Variants in DNAH17 observed in about 807,000 individuals in gnomAD.
The protein encoded by DNAH17 is dynein axonemal heavy chain 17.
Under a neutral mutation model 485.6 loss-of-function variants are expected in DNAH17, and 376 were observed. That is an observed-to-expected ratio of 0.77 (90% confidence interval 0.71 to 0.84). The LOEUF (loss-of-function observed/expected upper bound fraction) is 0.84. DNAH17 is among the 40% of genes least tolerant of loss of function. The pLI is 0.00. For missense variants in DNAH17, 6,370 were observed against 5,839.3 expected (o/e 1.09, Z -2.96); for synonymous variants, 3,031 against 2,405.9 (o/e 1.26, Z -7.60).
intron 68 of DNAH17, 40 bp downstream of exon 68, chr17:78,450,214 C>T: frequency 1.2e-6 from 2 of 1,610,616 alleles, no homozygotes; most frequent in Non-Finnish European, 1.7e-6. Flanking sequence ...GATGCAGCCC[C>T]ACCTTGAGGG....
At position 78,494,948 on chromosome 17, in the gene DNAH17, G is replaced by GAC. The variant is rs142108503; in HGVS notation, c.6042+9_6042+10dup. The GAC allele has an allele frequency of 2.9e-4, 472 of 1,607,872 alleles. 1 individual carries two copies. The African/African-American group carries it at 6.0e-3, about 20-fold the overall frequency. On this transcript the variant is annotated intron_variant, in intron 39 of 80. Coordinates refer to ENST00000389840, the MANE Select transcript of DNAH17 (RefSeq NM_173628.4). The stretch of plus-strand genomic sequence containing the variant: ...CACCCACACCCGCCGTGAGCTCCAG[G>GAC]ACACACACACCTGCTTCGAGAGCAG...
Position 78,425,583 on chromosome 17 carries a change from C to T in DNAH17, c.12916-12G>A, listed in dbSNP as rs908387487. The stretch of plus-strand genomic sequence containing the variant: ...CAGGCCTCGAGTTCCTGCAAGGACA[C>T]ACGAGCCGCTAGGAGGAGAGGACAT... On this transcript the variant is annotated splice_polypyrimidine_tract_variant and intron_variant, in intron 79 of 80. Coordinates refer to ENST00000389840, the MANE Select transcript of DNAH17 (RefSeq NM_173628.4). 6.3e-7 allele frequency: 1 copy of T among 1,585,406 alleles called. No individual in the cohort carries two copies. Among genetic ancestry groups the T allele is most frequent in the African/African-American group, 1.3e-5 (1 of 74,214 alleles).
In DNAH17 at chr17:78,571,026, C is replaced by T; in HGVS notation, c.840G>A (p.Lys280=). 1 of 1,571,496 alleles carries T rather than the reference C, an allele frequency of 6.4e-7. No individual in the cohort carries two copies. Among genetic ancestry groups the T allele is most frequent in the Non-Finnish European group, 8.6e-7 (1 of 1,157,980 alleles). The change falls in exon 6 of 81, where the codon AAG becomes AAA. Residue 280 remains lysine (K), a synonymous_variant. Coordinates refer to ENST00000389840, the MANE Select transcript of DNAH17 (RefSeq NM_173628.4). ...AATAGAGCACGATGTCGTTGGCTTCCTTCAGCCCTGCACGGAACAAGAACA... is the reference window on the plus strand; with the variant it reads ...AATAGAGCACGATGTCGTTGGCTTCTTTCAGCCCTGCACGGAACAAGAACA... The part of the protein sequence containing the change: ...NVYTNVTEGL[K]EANDIVLYLK...
intron 11 of DNAH17, among the ~76,000 whole-genome samples, chr17:78,563,818 G>A (rs1568262023): frequency 6.6e-6 from 1 of 152,270 alleles, no homozygotes; most frequent in East Asian, 1.9e-4. Flanking sequence ...TAGAGCACAG[G>A]GCTGTCAAAC....
intron 19 of DNAH17, among the ~76,000 whole-genome samples, chr17:78,537,015 A>G (rs538483351): frequency 6.6e-6 from 1 of 151,960 alleles, no homozygotes; most frequent in South Asian, 2.1e-4. Flanking sequence ...CTCTACTAAA[A>G]AAAAATAAAA....
chr17:78,565,628 C>T (rs2092251367), intron 11 of DNAH17, among the ~76,000 whole-genome samples: 1 of 152,144 alleles, frequency 6.6e-6, no homozygotes. Flanking sequence ...ACTCATGGGC[C>T]TGGGAAACAT....
chr17:78,504,134 C>T (rs901923388), intron 31 of DNAH17, among the ~76,000 whole-genome samples: 13 of 151,366 alleles, frequency 8.6e-5, no homozygotes, highest in East Asian at 7.8e-4. Context: ...GGCGTGATCT[C>T]GGCTCACTGC....
Position 78,479,526 on chromosome 17 carries a change from G to A in DNAH17, c.7859C>T (p.Ala2620Val). The A allele has an allele frequency of 1.2e-6, 2 of 1,613,514 alleles. No homozygotes were observed. The highest frequency in any genetic ancestry group is 1.7e-6 in the Non-Finnish European group (2 of 1,179,868). ...QHLAFRSVSM[A>V]IQRISSQLVA... ...CAGCTGGCTGCTTATCCTCTGGATA[G>A]CCATGGAGACCGAGCGGAAGGCCAG... The change falls in exon 50 of 81, where the codon GCT becomes GTT. Residue 2620 changes from alanine to valine, a missense_variant. Coordinates refer to ENST00000389840, the MANE Select transcript of DNAH17 (RefSeq NM_173628.4).
rs755081742 is a variant in DNAH17, at chr17:78,574,945, G to A, written c.113C>T (p.Ala38Val). ...SKLIGAEENV[A>V]LFTEFFEKPD... ...CTTTTCAAAGAACTCTGTGAACAGG[G>A]CCACGTTCTCCTCGGCGCCTATCAG... Residue 38 changes from alanine to valine, a missense_variant, in exon 2 of 81, where the codon GCC (alanine) becomes GTC (valine). Coordinates refer to ENST00000389840, the MANE Select transcript of DNAH17 (RefSeq NM_173628.4). The A allele has an allele frequency of 6.2e-7, 1 of 1,613,992 alleles. No individual in the cohort carries two copies.
At chr17:78,570,463 T>G in intron 6 of DNAH17, 91 bp from the exon 7 acceptor site, 3 of 1,477,742 alleles carry the variant, frequency 2.0e-6, no homozygotes, top group Non-Finnish European at 2.7e-6. Flanking sequence ...TGGCTCTCAC[T>G]GGGTATCCAG....
intron 71 of DNAH17, among the ~76,000 whole-genome samples, chr17:78,441,554 CTAAAAAAGTCAAA>C (rs1359886633): frequency 1.3e-5 from 2 of 152,034 alleles, no homozygotes; most frequent in African/African-American, 4.8e-5. Flanking sequence ...TTTGGTGAGC[CTAAAAAAGTCAAA>C]GAAAAAAGCA....
Position 78,492,721 on chromosome 17 carries a change from C to A in DNAH17, c.6453G>T (p.Lys2151Asn), listed in dbSNP as rs1166600655. The A allele has an allele frequency of 6.2e-7, 1 of 1,612,998 alleles. No homozygotes were observed. Among genetic ancestry groups the A allele is most frequent in the South Asian group, 1.1e-5 (1 of 90,808 alleles). ...TGGGGTCCAGGTCCACGGCGACCGGCTTCCTCTTCAGGTTCTGATAGGTCT... is the reference window on the plus strand; with the variant it reads ...TGGGGTCCAGGTCCACGGCGACCGGATTCCTCTTCAGGTTCTGATAGGTCT... ...LNKTYQNLKR[K>N]PVAVDLDPKA... is the part of the protein sequence containing the mutation. The change falls in exon 42 of 81, where the codon AAG becomes AAT. Residue 2151 changes from lysine (K) to asparagine (N), a missense_variant. Transcript: ENST00000389840.
intron 63 of DNAH17, among the ~76,000 whole-genome samples, chr17:78,455,393 T>G (rs1197383889): frequency 6.6e-6 from 1 of 151,812 alleles, no homozygotes; most frequent in Non-Finnish European, 1.5e-5. Flanking sequence ...TAGTGTGATC[T>G]CTGCTCACTG....
intron 69 of DNAH17, among the ~76,000 whole-genome samples, chr17:78,445,982 G>A (rs2087274187): frequency 1.3e-5 from 2 of 151,926 alleles, no homozygotes; most frequent in Admixed American, 6.6e-5. Flanking sequence ...GACCAGCCTG[G>A]CCAACATGGT....
rs1412275626 is a variant in DNAH17, at chr17:78,569,221, G to A, written c.1229C>T (p.Ser410Phe). ...DKEPVPWEFP[S>F]SLAFSRINSF... ...ATTTATCCTGGAAAAGGCAAGAGAA[G>A]AAGGGAATTCCCAAGGCACGGGCTC... The change falls in exon 9 of 81, where the codon TCT becomes TTT. Residue 410 changes from serine to phenylalanine, a missense_variant. Transcript: ENST00000389840. 2 of 1,609,482 alleles carry A rather than the reference G, an allele frequency of 1.2e-6. No homozygotes were observed. Among genetic ancestry groups the A allele is most frequent in the South Asian group, 1.1e-5 (1 of 89,920 alleles).
Position 78,503,968 on chromosome 17 carries a change from A to AAAACAAAC in DNAH17, c.4957-965_4957-958dup, listed in dbSNP as rs200201713. ...GCGACAAGAGTGAGACTCCATCTCA[A>AAAACAAAC]AAACAAACAAACAAACAAAAAACAA... On this transcript the variant is annotated intron_variant, in intron 31 of 80. Transcript: ENST00000389840. Among the ~76,000 whole-genome samples, 1,044 of 145,192 alleles carry AAAACAAAC rather than the reference A, an allele frequency of 7.2e-3. 9 individuals carry two copies. The highest frequency in any genetic ancestry group is 0.025 in the African/African-American group (979 of 38,578).
At chr17:78,424,656 C>CTCTCCATGTTTGTTTATT (rs2086342118) in intron 80 of DNAH17, 2 of 155,258 alleles carry the variant, frequency 1.3e-5, no homozygotes, top group African/African-American at 4.8e-5. Flanking sequence ...ACATGGAGAG[C>CTCTCCATGTTTGTTTATT]TTATCTTTGG....
chr17:78,531,575 C>T (rs980240457), intron 20 of DNAH17, among the ~76,000 whole-genome samples: 21 of 152,176 alleles, frequency 1.4e-4, no homozygotes, highest in South Asian at 1.2e-3. Context: ...CCTGACCTCA[C>T]GATCCAACCG....
At chr17:78,544,866 C>T (rs1412577914) in intron 16 of DNAH17, among the ~76,000 whole-genome samples, 2 of 142,764 alleles carry the variant, frequency 1.4e-5, no homozygotes. Context: ...TTGGACTTTA[C>T]TGTTATCTGT....
Sources: allele counts gnomAD v4.1 joint callset (sites outside exome capture counted in the v4.1 genomes callset), GRCh38; gene constraint gnomAD v4.1.1; transcripts MANE v1.5; gene names NCBI Gene and HGNC (gene_info 2026-07-23, HGNC 2026-07-21).